The following ERCC6L2 variants were observed in gnomAD, a reference collection of about 807,000 sequenced individuals.
The protein encoded by ERCC6L2 is DNA excision repair protein ERCC-6-like 2.
A neutral mutation model predicts 132.0 loss-of-function variants in ERCC6L2; 77 were observed. The ratio of observed to expected loss-of-function variants is 0.58; its 90% CI spans 0.49 to 0.71. The LOEUF is 0.71. ERCC6L2 is among the 30% of genes least tolerant of loss of function. The probability of loss-of-function intolerance (pLI) is 0.00; values close to 1 mark genes in which losing one functional copy is unlikely to be tolerated. For synonymous variants in ERCC6L2, 583 were observed against 632.4 expected (o/e 0.92, Z 1.17); for missense variants, 1,542 against 1,837.6 (o/e 0.84, Z 2.94).
chr9:95,944,102 C>G (rs1587950134), intron 12 of ERCC6L2, among the ~76,000 whole-genome samples: 1 of 152,134 alleles, frequency 6.6e-6, no homozygotes, highest in South Asian at 2.1e-4. Flanking sequence ...TTCACAATAG[C>G]TAAAATGTGG....
In ERCC6L2 at chr9:95,923,305, C is replaced by T; in HGVS notation, c.1459C>T (p.Pro487Ser). ...RICDQVFSRF[P>S]DFVQKSKDAA... ...ATGTGATCAGGTATTTTCCAGATTC[C>T]CAGATTTTGTGCAGAAAAGCAAAGA... The change falls in exon 9 of 19, where the codon CCA becomes TCA. Residue 487 changes from proline to serine, a missense_variant. Physicochemically the swap from Pro to Ser is moderately conservative, Grantham distance 74. Around this residue, in one of 4 missense-constraint regions of ERCC6L2, gnomAD observed 945 missense variants for 1,105.2 expected, o/e 0.86. Transcript: ENST00000653738. 6.2e-7 allele frequency: 1 copy of T among 1,613,724 alleles called. No homozygotes were observed. The highest frequency in any genetic ancestry group is 8.5e-7 in the Non-Finnish European group (1 of 1,179,804).
chr9:95,992,843 C>T (rs918474597), intron 17 of ERCC6L2, among the ~76,000 whole-genome samples: 2 of 152,108 alleles, frequency 1.3e-5, no homozygotes, highest in Non-Finnish European at 2.9e-5. Context: ...TTTTTTTTCA[C>T]CAGCACCATT....
intron 19 of ERCC6L2, among the ~76,000 whole-genome samples, chr9:96,033,792 T>C (rs979265079): frequency 3.3e-5 from 5 of 152,102 alleles, no homozygotes; most frequent in Non-Finnish European, 7.4e-5. Flanking sequence ...ATTTAGGGGG[T>C]TCCACACTCG....
chr9:95,979,570 A>G (rs1376896472), intron 17 of ERCC6L2, among the ~76,000 whole-genome samples: 4 of 152,206 alleles, frequency 2.6e-5, no homozygotes, highest in African/African-American at 4.8e-5. Context: ...TATCCCTAGA[A>G]TAAATCTAAT....
At chr9:96,024,931 T>G (rs987346311) in intron 19 of ERCC6L2, among the ~76,000 whole-genome samples, 1 of 152,196 alleles carries the variant, frequency 6.6e-6, no homozygotes, top group Non-Finnish European at 1.5e-5. Context: ...GTTGGATGCT[T>G]CCATTCCTCT....
At position 95,938,215 on chromosome 9, in the gene ERCC6L2, A is replaced by G. The variant is rs369757865; in HGVS notation, c.1752-3239A>G. On this transcript the variant is annotated intron_variant, in intron 11 of 18. Transcript: ENST00000653738. Reference sequence around the variant, plus strand: ...TCAGTATAATACCATTATATTCAGTATATACCAGTATAGTTTCAGTTCTTT... The same window carrying G: ...TCAGTATAATACCATTATATTCAGTGTATACCAGTATAGTTTCAGTTCTTT... 4.6e-5 allele frequency among the ~76,000 whole-genome samples: 7 copies of G among 152,116 alleles called. No homozygotes were observed. In the Middle Eastern group the frequency reaches 0.014, roughly 296 times the overall value.
intron 12 of ERCC6L2, among the ~76,000 whole-genome samples, chr9:95,945,431 C>G (rs529217332): frequency 4.6e-5 from 7 of 152,124 alleles, no homozygotes; most frequent in Non-Finnish European, 1.0e-4. Flanking sequence ...GCAGTTAACG[C>G]AATCATCACA....
At chr9:95,937,438 G>A (rs565231274) in intron 11 of ERCC6L2, among the ~76,000 whole-genome samples, 31 of 152,114 alleles carry the variant, frequency 2.0e-4, no homozygotes, top group African/African-American at 7.5e-4. Flanking sequence ...TCTGTAAATG[G>A]TAAAATTCTC....
At chr9:96,029,319 AAAAAC>A (rs1185677695) in intron 19 of ERCC6L2, among the ~76,000 whole-genome samples, 6 of 142,386 alleles carry the variant, frequency 4.2e-5, no homozygotes, top group African/African-American at 1.3e-4. Context: ...AAAAAAAAAA[AAAAAC>A]AAAAAAAAAA....
At chr9:95,919,282 C>T (rs944075675) in intron 6 of ERCC6L2, among the ~76,000 whole-genome samples, 9 of 151,976 alleles carry the variant, frequency 5.9e-5, no homozygotes, top group Non-Finnish European at 1.3e-4. Context: ...TGTTTATTGC[C>T]AATAATCTGA....
intron 17 of ERCC6L2, among the ~76,000 whole-genome samples, chr9:96,002,022 G>C (rs1248685256): frequency 1.3e-5 from 2 of 152,362 alleles, no homozygotes; most frequent in South Asian, 2.1e-4. Flanking sequence ...AGTGCGGGGC[G>C]CACCAAGCCC....
At chr9:95,910,436 A>G (rs990044069) in intron 4 of ERCC6L2, among the ~76,000 whole-genome samples, 1 of 152,216 alleles carries the variant, frequency 6.6e-6, no homozygotes, top group Non-Finnish European at 1.5e-5. Flanking sequence ...TGGTACTATT[A>G]TATAGCTATC....
At chr9:95,997,644 G>GA (rs1193843654) in intron 17 of ERCC6L2, among the ~76,000 whole-genome samples, 4 of 152,194 alleles carry the variant, frequency 2.6e-5, no homozygotes, top group Admixed American at 2.6e-4. Flanking sequence ...GGTGGTCCAG[G>GA]ACCAAATCTG....
At chr9:95,968,722 A>AG (rs1226565329) in intron 14 of ERCC6L2, 1 of 152,086 alleles carries the variant, frequency 6.6e-6, no homozygotes, top group South Asian at 2.1e-4. Context: ...GTTTCTCTTC[A>AG]AAGATAGATA....
At chr9:95,892,238 A>G (rs922823440) in intron 2 of ERCC6L2, among the ~76,000 whole-genome samples, 143 of 152,128 alleles carry the variant, frequency 9.4e-4, no homozygotes, top group African/African-American at 3.3e-3. Flanking sequence ...AAATTACTGC[A>G]TACTATAGAT....
intron 4 of ERCC6L2, 51 bp from the exon 5 acceptor site, chr9:95,915,617 C>CT: frequency 6.5e-7 from 1 of 1,535,098 alleles, no homozygotes; most frequent in Non-Finnish European, 8.8e-7. Flanking sequence ...ATTGTAAGGA[C>CT]TAAGAAAGGA....
At chr9:95,965,285 C>G (rs944633470) in intron 13 of ERCC6L2, among the ~76,000 whole-genome samples, 11 of 151,954 alleles carry the variant, frequency 7.2e-5, no homozygotes, top group Non-Finnish European at 1.3e-4. Flanking sequence ...CTTAATTTCT[C>G]TAAACTTGAG....
At chr9:95,893,356 TA>T (rs1564199278) in intron 2 of ERCC6L2, among the ~76,000 whole-genome samples, 1 of 152,216 alleles carries the variant, frequency 6.6e-6, no homozygotes, top group Non-Finnish European at 1.5e-5. Context: ...TGTGTGCTAA[TA>T]TTTTGTTTAA....
chr9:95,978,126 A>G lies in ERCC6L2; in HGVS notation c.3403A>G (p.Asn1135Asp). The change falls in exon 17 of 19, where the codon AAT becomes GAT. Residue 1135 changes from asparagine (N) to aspartate (D), a missense_variant. Asn to Asp is a conservative substitution (Grantham distance 23, BLOSUM62 1). Around this residue, in one of 4 missense-constraint regions of ERCC6L2, gnomAD observed 442 missense variants for 583.4 expected, o/e 0.76. Coordinates refer to ENST00000653738, the MANE Select transcript of ERCC6L2 (RefSeq NM_020207.7). ...QNVIGSSKAE[N>D]HMSRWAAHDV... ...TGTAATTGGATCGAGCAAAGCTGAA[A>G]ATCACATGAGCCGATGGGCAGCACA... 1 of 1,367,524 alleles carries G rather than the reference A, an allele frequency of 7.3e-7. No individual in the cohort carries two copies. The highest frequency in any genetic ancestry group is 9.8e-7 in the Non-Finnish European group (1 of 1,021,792). 84.7% of individuals were successfully genotyped at this position (1,367,524 alleles called of 1,614,324 possible).
Sources: gnomAD v4.1 joint callset for allele counts (sites outside exome capture counted in the v4.1 genomes callset) on GRCh38, gnomAD v4.1.1 for gene constraint, gnomAD v4.1.1 regional missense constraint, MANE v1.5 for transcripts, NCBI Gene and HGNC (gene_info 2026-07-23, HGNC 2026-07-21) for gene names.